Variants in ADCY8 observed in about 807,000 individuals in gnomAD.
The protein encoded by ADCY8 is adenylate cyclase type 8.
In ADCY8, 51 loss-of-function variants were observed where a neutral mutation model predicts 119.7. The observed-to-expected ratio is 0.43, with a 90% confidence interval of 0.34 to 0.54. The LOEUF is 0.54. ADCY8 is among the 20% of genes least tolerant of loss of function. ADCY8 has a pLI of 0.03. For synonymous variants in ADCY8, 665 were observed against 651.0 expected (o/e 1.02, Z -0.33); for missense variants, 1,383 against 1,598.8 (o/e 0.87, Z 2.30).
chr8:130,853,821 T>C (rs1817620053), intron 9 of ADCY8, among the ~76,000 whole-genome samples: 1 of 152,214 alleles, frequency 6.6e-6, no homozygotes, highest in Admixed American at 6.5e-5. Flanking sequence ...CCTGTAGTTC[T>C]GAAGCATAAC....
intron 15 of ADCY8, among the ~76,000 whole-genome samples, chr8:130,799,826 G>T (rs561027861): frequency 3.9e-5 from 6 of 152,332 alleles, no homozygotes; most frequent in African/African-American, 1.4e-4. Flanking sequence ...CCCAGCTCAG[G>T]CTTAAGTAAC....
At chr8:130,887,887 A>G (rs1819047882) in intron 7 of ADCY8, among the ~76,000 whole-genome samples, 2 of 151,966 alleles carry the variant, frequency 1.3e-5, no homozygotes. Context: ...ATTCACAGTG[A>G]TTCATTTGTA....
At chr8:130,781,040 C>T (rs1387377565) in intron 17 of ADCY8, among the ~76,000 whole-genome samples, 163 bp from the exon 18 acceptor site, 1 of 152,066 alleles carries the variant, frequency 6.6e-6, no homozygotes, top group East Asian at 1.9e-4. Context: ...TCACCTGGGT[C>T]AGTTAATTAA....
In ADCY8 at chr8:130,815,913, A is replaced by G. The variant is rs181078920; in HGVS notation, c.2755-1686T>C. Among the ~76,000 whole-genome samples, 265 of 152,310 alleles carry G rather than the reference A, an allele frequency of 1.7e-3. 1 individual carries two copies. The highest frequency in any genetic ancestry group is 6.2e-3 in the African/African-American group (258 of 41,572). ...ATACACATTGGTTCCCTCTTGTCCTAGCCTCCCCTCTCATGAGAAGGTGCA... is the reference window on the plus strand; with the variant it reads ...ATACACATTGGTTCCCTCTTGTCCTGGCCTCCCCTCTCATGAGAAGGTGCA... On this transcript the variant is annotated intron_variant, in intron 13 of 17. Transcript: ENST00000286355.
chr8:130,998,450 GC>G (rs1822847145), intron 1 of ADCY8, among the ~76,000 whole-genome samples: 1 of 152,174 alleles, frequency 6.6e-6, no homozygotes, highest in Non-Finnish European at 1.5e-5. Context: ...GGAGCAGAGA[GC>G]CTTGTGGGAG....
At chr8:131,038,043 C>T (rs1824217820) in intron 1 of ADCY8, among the ~76,000 whole-genome samples, 1 of 152,130 alleles carries the variant, frequency 6.6e-6, no homozygotes, top group Non-Finnish European at 1.5e-5. Flanking sequence ...CTTCAGAAAG[C>T]ACTGTAAAAG....
chr8:130,800,683 G>T, intron 14 of ADCY8, 111 bp from the exon 15 acceptor site: 1 of 1,183,522 alleles, frequency 8.4e-7, no homozygotes, highest in Non-Finnish European at 1.2e-6. Context: ...CCCACAGAGA[G>T]ACAGAAAATG....
chr8:130,783,945 C>T, intron 16 of ADCY8, 140 bp from the exon 17 acceptor site: 1 of 620,280 alleles, frequency 1.6e-6, no homozygotes, highest in Non-Finnish European at 2.8e-6. Flanking sequence ...GTGAGCCCCT[C>T]TACACTCAAG....
chr8:130,949,022 T>G (rs1821194245), intron 3 of ADCY8, among the ~76,000 whole-genome samples: 1 of 151,750 alleles, frequency 6.6e-6, no homozygotes, highest in East Asian at 1.9e-4. Context: ...TCAATTCTCC[T>G]CCCCCTAGTA....
chr8:130,943,811 T>G (rs1821030722), intron 3 of ADCY8, among the ~76,000 whole-genome samples: 1 of 152,120 alleles, frequency 6.6e-6, no homozygotes, highest in African/African-American at 2.4e-5. Flanking sequence ...CTCCATATTT[T>G]CACAATGAAC....
intron 2 of ADCY8, among the ~76,000 whole-genome samples, chr8:130,964,572 G>A (rs577692523): frequency 1.8e-4 from 28 of 152,236 alleles, no homozygotes; most frequent in African/African-American, 5.5e-4. Context: ...ATTAGATGTC[G>A]GCAAGATAGC....
chr8:130,839,196 A>G lies in ADCY8; in HGVS notation c.2503-2747T>C, dbSNP rs1292841198. Among the ~76,000 whole-genome samples the G allele has an allele frequency of 4.3e-5, 6 of 139,178 alleles. 1 individual carries two copies. Among genetic ancestry groups the G allele is most frequent in the African/African-American group, 7.4e-5 (3 of 40,730 alleles). The allele number at this position is 139,178 out of a possible 152,430, so 91.3% of individuals were successfully genotyped here. A position where few individuals can be genotyped will look rare whatever the true frequency, so the allele number is the denominator to read the frequency against. ...GTGTTGCCCTCCTCCTTTCTCTAAC[A>G]AGGCTGCTGAAGGTATAATAGGCAA... is the stretch of plus-strand genomic sequence containing the variant. On this transcript the variant is annotated intron_variant, in intron 11 of 17. Transcript: ENST00000286355.
At chr8:130,893,471 G>A (rs1476750256) in intron 7 of ADCY8, among the ~76,000 whole-genome samples, 1 of 152,180 alleles carries the variant, frequency 6.6e-6, no homozygotes, top group Non-Finnish European at 1.5e-5. Flanking sequence ...GGGTTGAAAT[G>A]TCATTGGCTG....
intron 1 of ADCY8, among the ~76,000 whole-genome samples, chr8:131,000,858 G>A (rs964292757): frequency 4.6e-5 from 7 of 151,996 alleles, no homozygotes; most frequent in African/African-American, 9.7e-5. Flanking sequence ...AAGGAGGTGC[G>A]CGTTGTCTGC....
chr8:130,790,946 G>A (rs1300634525), intron 15 of ADCY8, among the ~76,000 whole-genome samples: 3 of 152,172 alleles, frequency 2.0e-5, no homozygotes, highest in Non-Finnish European at 4.4e-5. Context: ...TGATGATGTA[G>A]TTTCCAGATC....
intron 9 of ADCY8, among the ~76,000 whole-genome samples, chr8:130,856,320 G>A (rs1817730752): frequency 6.6e-6 from 1 of 151,952 alleles, no homozygotes; most frequent in Non-Finnish European, 1.5e-5. Flanking sequence ...GACCCTGACT[G>A]TATATCCCCA....
chr8:130,870,018 CTT>C (rs563831552), intron 8 of ADCY8, among the ~76,000 whole-genome samples: 24 of 115,822 alleles, frequency 2.1e-4, no homozygotes, highest in Non-Finnish European at 2.4e-4. Context: ...CTTTCTTCTT[CTT>C]TTTTTTTTTT....
intron 6 of ADCY8, among the ~76,000 whole-genome samples, chr8:130,908,104 T>C (rs1035296133): frequency 6.6e-6 from 1 of 152,228 alleles, no homozygotes; most frequent in Non-Finnish European, 1.5e-5. Flanking sequence ...TAGTATTGCA[T>C]GGTGATGTGC....
intron 1 of ADCY8, among the ~76,000 whole-genome samples, chr8:131,004,357 C>T (rs781175500): frequency 7.9e-5 from 12 of 152,192 alleles, no homozygotes; most frequent in Admixed American, 3.3e-4. Context: ...CTCCACCTCC[C>T]ATGCTTTTTT....
Sources: allele counts gnomAD v4.1 joint callset (sites outside exome capture counted in the v4.1 genomes callset), GRCh38; gene constraint gnomAD v4.1.1; transcripts MANE v1.5; gene names NCBI Gene and HGNC (gene_info 2026-07-23, HGNC 2026-07-21).